WDR76: variants seen among roughly 807,000 people sequenced by gnomAD.
The protein encoded by WDR76 is WD repeat-containing protein 76.
WDR76 carries 52 observed loss-of-function variants against 70.2 expected under a neutral mutation model. That is an observed-to-expected ratio of 0.74 (90% CI 0.59 to 0.93). The LOEUF (loss-of-function observed/expected upper bound fraction) is 0.93. WDR76 is among the 40% of genes least tolerant of loss of function. The probability of loss-of-function intolerance (pLI) is 0.00; values close to 1 mark genes in which losing one functional copy is unlikely to be tolerated. For synonymous variants in WDR76, 292 were observed against 271.1 expected (o/e 1.08, Z -0.76); for missense variants, 756 against 760.2 (o/e 0.99, Z 0.07).
intron 10 of WDR76, 140 bp from the exon 11 acceptor site, chr15:43,858,531 C>CCA: frequency 9.2e-7 from 1 of 1,086,874 alleles, no homozygotes; most frequent in East Asian, 2.7e-5. Flanking sequence ...CAGACTTGAG[C>CCA]CACCGCACCT....
At chr15:43,851,841 G>A (rs1037514297) in intron 9 of WDR76, among the ~76,000 whole-genome samples, 1 of 152,136 alleles carries the variant, frequency 6.6e-6, no homozygotes, top group Non-Finnish European at 1.5e-5. Context: ...AGGCTGAGGT[G>A]GGAGAATCAC....
At chr15:43,863,858 C>A (rs1217701881) in intron 12 of WDR76, 1 of 152,232 alleles carries the variant, frequency 6.6e-6, no homozygotes, top group Non-Finnish European at 1.5e-5. Context: ...CATGCCCGGC[C>A]TTACAACTTT....
At chr15:43,831,806 G>A (rs1237416533) in intron 2 of WDR76, among the ~76,000 whole-genome samples, 10 of 151,814 alleles carry the variant, frequency 6.6e-5, no homozygotes, top group Admixed American at 4.6e-4. Context: ...AAGTGTATAC[G>A]AGGCAAATAC....
chr15:43,838,083 C>T (rs1269714568), intron 4 of WDR76, among the ~76,000 whole-genome samples: 1 of 152,110 alleles, frequency 6.6e-6, no homozygotes, highest in Non-Finnish European at 1.5e-5. Flanking sequence ...CCGTGTTAGC[C>T]AGGATGGTCT....
Position 43,851,126 on chromosome 15 carries a change from C to A in WDR76, c.1072C>A (p.Pro358Thr). The change falls in exon 9 of 13, where the codon CCC becomes ACC. Residue 358 changes from proline to threonine, a missense_variant. Physicochemically the swap from Pro to Thr is conservative, Grantham distance 38. Coordinates refer to ENST00000263795, the MANE Select transcript of WDR76 (RefSeq NM_024908.4). The stretch of plus-strand genomic sequence containing the variant: ...AGAAGATGGAGTTTATGTTTTTCAT[C>A]CCCATAGTCAGCCAGTTAGCTGTCT... ...PKEDGVYVFH[P>T]HSQPVSCLYF... 6.2e-7 allele frequency: 1 copy of A among 1,614,196 alleles called. No homozygotes were observed. Among genetic ancestry groups the A allele is most frequent in the South Asian group, 1.1e-5 (1 of 91,082 alleles).
chr15:43,843,269 C>T (rs759112716), intron 7 of WDR76, among the ~76,000 whole-genome samples: 3 of 152,056 alleles, frequency 2.0e-5, no homozygotes, highest in South Asian at 2.1e-4. Flanking sequence ...GAGCTGTCTG[C>T]CTTGGACTCC....
rs910096808 is a variant in WDR76, at chr15:43,867,806, T to C, written c.*1414T>C. On this transcript the variant is annotated 3_prime_UTR_variant, in exon 13 of 13. Transcript: ENST00000263795. ...TTTTCAGAAGTTATGGTAATTTCAA[T>C]GTGTTTGTTGTTGGGAGGGGAGCTG... 5.9e-5 allele frequency: 9 copies of C among 152,312 alleles called. No individual in the cohort carries two copies. In the East Asian group the frequency reaches 1.7e-3, roughly 29 times the overall value. 9.4% of individuals were successfully genotyped at this position (152,312 alleles called of 1,614,324 possible).
At chr15:43,855,423 T>G (rs2087915849) in intron 9 of WDR76, among the ~76,000 whole-genome samples, 1 of 152,240 alleles carries the variant, frequency 6.6e-6, no homozygotes, top group Non-Finnish European at 1.5e-5. Context: ...CTTAATCATT[T>G]AAATATATTG....
At chr15:43,828,831 G>C (rs533921369) in intron 2 of WDR76, among the ~76,000 whole-genome samples, 2 of 152,068 alleles carry the variant, frequency 1.3e-5, no homozygotes, top group African/African-American at 4.8e-5. Flanking sequence ...TGACAGAGTA[G>C]GTAAGATACA....
rs192045240 is a variant in WDR76 at position 43,861,947 on chromosome 15, C to T, written c.1616+561C>T. 3.7e-4 allele frequency among the ~76,000 whole-genome samples: 56 copies of T among 151,318 alleles called. 1 individual carries two copies. In the South Asian group the frequency reaches 5.4e-3, roughly 15 times the overall value. The stretch of plus-strand genomic sequence containing the variant: ...CACCTCTTAGGTTCAAGCTATTCTC[C>T]TGCCTCAGCCTCCTGAGTAGCTGGG... On this transcript the variant is annotated intron_variant, in intron 12 of 12. Transcript: ENST00000263795.
intron 11 of WDR76, among the ~76,000 whole-genome samples, chr15:43,859,252 T>C (rs1250342971): frequency 1.3e-5 from 2 of 152,192 alleles, no homozygotes; most frequent in East Asian, 3.8e-4. Context: ...ATACAAACTA[T>C]TGGATATGGT....
intron 9 of WDR76, among the ~76,000 whole-genome samples, chr15:43,853,466 C>T (rs2087888733): frequency 6.6e-6 from 1 of 152,106 alleles, no homozygotes; most frequent in South Asian, 2.1e-4. Flanking sequence ...GCTGGTATTA[C>T]AGGCATGAGC....
In WDR76 at chr15:43,853,892, C is replaced by T. The variant is rs558869428; in HGVS notation, c.1191+2647C>T. On this transcript the variant is annotated intron_variant, in intron 9 of 12. Coordinates refer to ENST00000263795, the MANE Select transcript of WDR76 (RefSeq NM_024908.4). ...CTGCACTCCAGCCTGGGCGACAGAG[C>T]GAGACTGTCTCAAAAAAAAAAAACA... Among the ~76,000 whole-genome samples the T allele has an allele frequency of 2.1e-3, 96 of 44,952 alleles. No individual in the cohort carries two copies. In the East Asian group the frequency reaches 0.071, roughly 33 times the overall value. The allele number at this position is 44,952 out of a possible 152,430, so 29.5% of individuals were successfully genotyped here.
rs544346104 is a variant in WDR76, at chr15:43,842,305, T to A, written c.733-110T>A. ...TGTCCATGATATGCCACCATTACTG[T>A]TGATGTTGAAAGTGAAGTTGTGGGG... is the stretch of plus-strand genomic sequence containing the variant. On this transcript the variant is annotated intron_variant, in intron 5 of 12. Coordinates refer to ENST00000263795, the MANE Select transcript of WDR76 (RefSeq NM_024908.4). 3.6e-6 allele frequency: 3 copies of A among 836,224 alleles called. No homozygotes were observed. The East Asian group carries it at 7.6e-5, about 21-fold the overall frequency. 51.8% of individuals were successfully genotyped at this position (836,224 alleles called of 1,614,324 possible). A position where few individuals can be genotyped will look rare whatever the true frequency, so the allele number is the denominator to read the frequency against.
chr15:43,845,134 T>A (rs556061316), intron 8 of WDR76, among the ~76,000 whole-genome samples: 1 of 147,490 alleles, frequency 6.8e-6, no homozygotes, highest in Non-Finnish European at 1.5e-5. Flanking sequence ...GCTAATTTTT[T>A]CTATTTTTAG....
At chr15:43,837,053 A>C (rs192180656) in intron 4 of WDR76, among the ~76,000 whole-genome samples, 48 of 151,816 alleles carry the variant, frequency 3.2e-4, no homozygotes, top group African/African-American at 1.1e-3. Flanking sequence ...AAAAAAAAAA[A>C]AAACAAAAAA....
Position 43,866,220 on chromosome 15 carries a change from A to T in WDR76, c.1709A>T (p.His570Leu). The T allele has an allele frequency of 6.2e-7, 1 of 1,614,232 alleles. No homozygotes were observed. Among genetic ancestry groups the T allele is most frequent in the Non-Finnish European group, 8.5e-7 (1 of 1,180,040 alleles). ...EDCVIVGSMA[H>L]PRRVEIFHET... ...TGTGTCATAGTTGGCAGCATGGCCC[A>T]TCCACGACGGGTAGAAATCTTCCAT... The change falls in exon 13 of 13, where the codon CAT becomes CTT. Residue 570 changes from histidine (H) to leucine (L), a missense_variant. Transcript: ENST00000263795.
intron 2 of WDR76, among the ~76,000 whole-genome samples, chr15:43,831,019 G>C (rs951917949): frequency 3.9e-5 from 6 of 152,056 alleles, no homozygotes; most frequent in African/African-American, 1.4e-4. Context: ...CTGCACACCA[G>C]CCTGGGCGAC....
chr15:43,854,052 TA>T (rs954728473), intron 9 of WDR76, among the ~76,000 whole-genome samples: 1 of 151,978 alleles, frequency 6.6e-6, no homozygotes, highest in African/African-American at 2.4e-5. Context: ...TTGCCAGTAA[TA>T]AGTGTTGACA....
Sources: gnomAD v4.1 joint callset for allele counts (sites outside exome capture counted in the v4.1 genomes callset) on GRCh38, gnomAD v4.1.1 for gene constraint, MANE v1.5 for transcripts, NCBI Gene and HGNC (gene_info 2026-07-23, HGNC 2026-07-21) for gene names.